Variants in GCSH observed in about 807,000 individuals in gnomAD.
GCSH encodes the protein glycine cleavage system protein H.
In GCSH, 15 loss-of-function variants were observed where a neutral mutation model predicts 21.3. The ratio of observed to expected loss-of-function variants is 0.70; its 90% CI spans 0.47 to 1.08. GCSH has a LOEUF of 1.08. GCSH is among the 50% of genes least tolerant of loss of function. GCSH has a pLI of 0.00. For synonymous variants in GCSH, 59 were observed against 84.5 expected (o/e 0.70, Z 1.66); for missense variants, 179 against 217.5 (o/e 0.82, Z 1.11).
At chr16:81,086,905 G>T (rs1210281351) in intron 3 of GCSH, among the ~76,000 whole-genome samples, 2 of 148,174 alleles carry the variant, frequency 1.3e-5, no homozygotes, top group Admixed American at 1.4e-4. Flanking sequence ...TTATTTAAGT[G>T]TATACATTTG....
chr16:81,090,081 T>C (rs1972366998), intron 2 of GCSH, among the ~76,000 whole-genome samples: 1 of 151,542 alleles, frequency 6.6e-6, no homozygotes, highest in South Asian at 2.1e-4. Flanking sequence ...GTTGGTTTTC[T>C]TACTTTCTTT....
intron 2 of GCSH, among the ~76,000 whole-genome samples, chr16:81,089,297 T>G (rs1458859066): frequency 6.6e-6 from 1 of 152,238 alleles, no homozygotes; most frequent in Non-Finnish European, 1.5e-5. Flanking sequence ...TCCAAGATTC[T>G]GGAATCCAAA....
chr16:81,091,911 T>G (rs1265485147), intron 1 of GCSH, among the ~76,000 whole-genome samples: 1 of 152,154 alleles, frequency 6.6e-6, no homozygotes, highest in Admixed American at 6.6e-5. Context: ...TGAGCCACCG[T>G]GCCTAGCCAA....
chr16:81,091,852 C>G (rs1972405211), intron 1 of GCSH, among the ~76,000 whole-genome samples: 1 of 151,418 alleles, frequency 6.6e-6, no homozygotes, highest in South Asian at 2.1e-4. Context: ...AATTCCTGAG[C>G]TCATGATCCT....
In GCSH at chr16:81,084,559, T is replaced by C. The variant is rs574342853; in HGVS notation, c.328A>G (p.Ser110Gly). 3 of 1,603,994 alleles carry C rather than the reference T, an allele frequency of 1.9e-6. No individual in the cohort carries two copies. Among genetic ancestry groups the C allele is most frequent in the East Asian group, 2.2e-5 (1 of 44,802 alleles). ...FGALESVKAA[S>G]ELYSPLSGEV... is the part of the protein sequence containing the mutation. ...CCTGATAAAGGAGAATAGAGTTCAC[T>C]AGCAGCTTTCACACTTTCCAAAGCA... Residue 110 changes from serine (S) to glycine (G), a missense_variant, in exon 4 of 5, where the codon AGT becomes GGT. Transcript: ENST00000315467.
chr16:81,087,059 T>TA (rs1428498546), intron 3 of GCSH, among the ~76,000 whole-genome samples: 1 of 152,152 alleles, frequency 6.6e-6, no homozygotes, highest in African/African-American at 2.4e-5. Context: ...TCGATATTAA[T>TA]AGACTTTTTT....
intron 1 of GCSH, among the ~76,000 whole-genome samples, chr16:81,093,446 T>G (rs1486569824): frequency 6.6e-6 from 1 of 152,136 alleles, no homozygotes; most frequent in Non-Finnish European, 1.5e-5. Flanking sequence ...ATTAGTACAA[T>G]TCTCCTTAAC....
In GCSH at chr16:81,082,273, C is replaced by T. The variant is rs1231026881; in HGVS notation, c.*593G>A. ...CCGTAAGTTAAAGTTAGCACTTTCA[C>T]AAATACTAGCAGAGTTACTAAATGA... On this transcript the variant is annotated 3_prime_UTR_variant, in exon 5 of 5. Transcript: ENST00000315467. The T allele has an allele frequency of 2.2e-6, 1 of 450,412 alleles. No individual in the cohort carries two copies. The highest frequency in any genetic ancestry group is 1.6e-5 in the South Asian group (1 of 63,790). The allele number at this position is 450,412 out of a possible 1,614,324, so 27.9% of individuals were successfully genotyped here. A position where few individuals can be genotyped will look rare whatever the true frequency, so the allele number is the denominator to read the frequency against.
In GCSH at chr16:81,096,373, C is replaced by A; in HGVS notation, c.-95G>T. ...GCAGTTCGCGGCCGGAGGGAGCCGG[C>A]TGGATGGAGGCGCGGAGGCGGTGCC... On this transcript the variant is annotated 5_prime_UTR_variant, in exon 1 of 5. Transcript: ENST00000315467. 9.2e-7 allele frequency: 1 copy of A among 1,081,790 alleles called. No homozygotes were observed. Among genetic ancestry groups the A allele is most frequent in the South Asian group, 2.1e-5 (1 of 48,008 alleles). 67.0% of individuals were successfully genotyped at this position (1,081,790 alleles called of 1,614,324 possible).
intron 2 of GCSH, among the ~76,000 whole-genome samples, chr16:81,087,951 C>T (rs190323234): frequency 1.3e-5 from 2 of 152,156 alleles, no homozygotes; most frequent in Non-Finnish European, 2.9e-5. Flanking sequence ...CATGGTGAAA[C>T]CCAGTCTCTA....
intron 3 of GCSH, 103 bp from the exon 4 acceptor site, chr16:81,084,697 A>T: frequency 1.2e-6 from 1 of 837,600 alleles, no homozygotes; most frequent in Non-Finnish European, 1.9e-6. Context: ...CTATGATTTT[A>T]AAATTCCAAA....
In GCSH at chr16:81,082,831, G is replaced by T; in HGVS notation, c.*35C>A. On this transcript the variant is annotated 3_prime_UTR_variant, in exon 5 of 5. Coordinates refer to ENST00000315467, the MANE Select transcript of GCSH (RefSeq NM_004483.5). ...ATTTAAGACAACTCTGCTGGCTTGCGTTATTTCATACTAGTTTATTTAGGA... is the reference window on the plus strand; with the variant it reads ...ATTTAAGACAACTCTGCTGGCTTGCTTTATTTCATACTAGTTTATTTAGGA... 2.2e-6 allele frequency: 2 copies of T among 928,644 alleles called. No individual in the cohort carries two copies. Among genetic ancestry groups the T allele is most frequent in the Non-Finnish European group, 3.6e-6 (2 of 561,188 alleles). 57.5% of individuals were successfully genotyped at this position (928,644 alleles called of 1,614,324 possible).
At chr16:81,087,550 T>C (rs1234367295) in intron 3 of GCSH, 51 bp downstream of exon 3, 2 of 1,253,382 alleles carry the variant, frequency 1.6e-6, no homozygotes, top group African/African-American at 1.5e-5. Flanking sequence ...TACTATTCAA[T>C]GTAAACAAAA....
At chr16:81,093,123 CAAA>C (rs58955612) in intron 1 of GCSH, among the ~76,000 whole-genome samples, 1 of 69,442 alleles carries the variant, frequency 1.4e-5, no homozygotes. Flanking sequence ...ACTTCATCTC[CAAA>C]AAAAAAAAAA....
chr16:81,090,758 A>G (rs1972383300), intron 1 of GCSH, 78 bp from the exon 2 acceptor site: 2 of 1,006,612 alleles, frequency 2.0e-6, no homozygotes, highest in African/African-American at 3.2e-5. Flanking sequence ...ATTGCTTTCA[A>G]AAGACTTTCC....
intron 3 of GCSH, among the ~76,000 whole-genome samples, chr16:81,085,230 G>C (rs961697289): frequency 6.6e-6 from 1 of 151,470 alleles, no homozygotes; most frequent in East Asian, 1.9e-4. Flanking sequence ...GGCCAAGCTG[G>C]TCTTGAACTC....
intron 4 of GCSH, 124 bp from the exon 5 acceptor site, chr16:81,083,087 G>A (rs1972202213): frequency 1.3e-6 from 1 of 741,530 alleles, no homozygotes; most frequent in African/African-American, 1.7e-5. Flanking sequence ...TACATTATTT[G>A]TTCATAGAAC....
intron 3 of GCSH, among the ~76,000 whole-genome samples, chr16:81,085,844 T>C (rs8177935): frequency 0.039 from 5,812 of 149,478 alleles, 319 homozygotes; most frequent in African/African-American, 0.13. Flanking sequence ...TTGGTGACAG[T>C]GTGAGACTCC....
chr16:81,086,324 C>T (rs8177930), intron 3 of GCSH, among the ~76,000 whole-genome samples: 1 of 141,258 alleles, frequency 7.1e-6, no homozygotes, highest in Admixed American at 6.7e-5. Context: ...CTTGAGGTCA[C>T]GAGTTCAAGA....
Sources: gnomAD v4.1 joint callset for allele counts (sites outside exome capture counted in the v4.1 genomes callset) on GRCh38, gnomAD v4.1.1 for gene constraint, MANE v1.5 for transcripts, NCBI Gene and HGNC (gene_info 2026-07-23, HGNC 2026-07-21) for gene names.